Variants in GLIS3 observed in about 807,000 individuals in gnomAD.
GLIS3 encodes the protein GLIS family zinc finger 3.
In GLIS3, 53 loss-of-function variants were observed where a neutral mutation model predicts 78.6. That is an observed-to-expected ratio of 0.67 (90% CI 0.54 to 0.85). The LOEUF (loss-of-function observed/expected upper bound fraction) is 0.85. Among genes scored for constraint, GLIS3 ranks in the 40% least tolerant of loss-of-function variants. The probability of loss-of-function intolerance (pLI) is 0.00; values close to 1 mark genes in which losing one functional copy is unlikely to be tolerated. For missense variants in GLIS3, 1,703 were observed against 1,231.1 expected (o/e 1.38, Z -5.74); for synonymous variants, 684 against 509.9 (o/e 1.34, Z -4.60).
chr9:4,191,063 C>T (rs1382093768), intron 2 of GLIS3, among the ~76,000 whole-genome samples: 2 of 151,770 alleles, frequency 1.3e-5, no homozygotes, highest in East Asian at 3.9e-4. Flanking sequence ...CAACTGGTAC[C>T]AGCCACTGCA....
At chr9:4,016,171 G>A (rs1297527913) in intron 4 of GLIS3, among the ~76,000 whole-genome samples, 2 of 152,148 alleles carry the variant, frequency 1.3e-5, no homozygotes, top group Non-Finnish European at 2.9e-5. Context: ...TAAACTGAGT[G>A]AGTGAATGAC....
intron 1 of GLIS3, among the ~76,000 whole-genome samples, chr9:4,297,561 G>T (rs1348135369): frequency 6.6e-6 from 1 of 152,330 alleles, no homozygotes; most frequent in East Asian, 1.9e-4. Flanking sequence ...GGAGGAAGTT[G>T]GTTCTGCCGG....
intron 2 of GLIS3, among the ~76,000 whole-genome samples, chr9:4,140,579 C>T (rs1031342888): frequency 2.0e-5 from 3 of 152,088 alleles, no homozygotes; most frequent in Admixed American, 2.0e-4. Flanking sequence ...ATGGAAAGTA[C>T]CCAGCTTCCT....
intron 2 of GLIS3, among the ~76,000 whole-genome samples, chr9:4,171,018 A>G (rs1420487629): frequency 6.6e-6 from 1 of 152,232 alleles, no homozygotes; most frequent in Non-Finnish European, 1.5e-5. Flanking sequence ...GAATCATACG[A>G]GAACAATCAA....
the GLIS3 span, among the ~76,000 whole-genome samples, chr9:4,428,343 G>C: frequency 2.0e-5 from 3 of 151,906 alleles, no homozygotes; most frequent in Non-Finnish European, 4.4e-5. Context: ...GCCAGGCTTG[G>C]TGGCATGCAC....
At chr9:4,413,127 T>A in the GLIS3 span, among the ~76,000 whole-genome samples, 7 of 152,218 alleles carry the variant, frequency 4.6e-5, no homozygotes, top group Admixed American at 1.3e-4. Context: ...AGGCAGGTAA[T>A]CATAATGTAA....
At chr9:4,381,195 T>G in the GLIS3 span, among the ~76,000 whole-genome samples, 4 of 152,198 alleles carry the variant, frequency 2.6e-5, no homozygotes, top group African/African-American at 9.6e-5. Context: ...ATGGAAAATT[T>G]GGTGGTGGGG....
At chr9:4,404,621 G>A in the GLIS3 span, among the ~76,000 whole-genome samples, 6 of 152,148 alleles carry the variant, frequency 3.9e-5, no homozygotes, top group African/African-American at 1.2e-4. Context: ...TGAATGACCT[G>A]TGAGTCAGTG....
At chr9:3,960,870 G>A (rs1003626884) in intron 4 of GLIS3, among the ~76,000 whole-genome samples, 6 of 152,064 alleles carry the variant, frequency 3.9e-5, no homozygotes, top group South Asian at 2.1e-4. Flanking sequence ...CTGATGTTTC[G>A]CCAAACCAAA....
At chr9:4,054,243 T>C (rs151119648) in intron 4 of GLIS3, 1 of 707,808 alleles carries the variant, frequency 1.4e-6, no homozygotes, top group East Asian at 1.3e-4. Context: ...AGGGCAGAGA[T>C]CTCATCCTTC....
At chr9:3,943,511 C>T (rs1482094491) in intron 4 of GLIS3, among the ~76,000 whole-genome samples, 1 of 152,156 alleles carries the variant, frequency 6.6e-6, no homozygotes, top group African/African-American at 2.4e-5. Flanking sequence ...GATTTTATAA[C>T]ATTTCAAAGG....
At chr9:4,004,514 T>A (rs1454767986) in intron 4 of GLIS3, among the ~76,000 whole-genome samples, 1 of 152,214 alleles carries the variant, frequency 6.6e-6, no homozygotes, top group Non-Finnish European at 1.5e-5. Flanking sequence ...GATACTGTTG[T>A]GTGAAATCAC....
chr9:4,350,176 T>A (rs927658838), upstream of GLIS3, among the ~76,000 whole-genome samples: 8 of 152,138 alleles, frequency 5.3e-5, no homozygotes, highest in African/African-American at 1.9e-4. Context: ...CAAGGCCCAG[T>A]GGCGATGGGA....
intron 4 of GLIS3, among the ~76,000 whole-genome samples, chr9:3,978,714 TTTGA>T (rs1337382677): frequency 1.3e-5 from 2 of 152,072 alleles, no homozygotes; most frequent in South Asian, 2.1e-4. Flanking sequence ...CACTATATAA[TTTGA>T]TTATTATATT....
intron 4 of GLIS3, among the ~76,000 whole-genome samples, chr9:3,985,037 C>T (rs1041158790): frequency 6.6e-6 from 1 of 151,682 alleles, no homozygotes; most frequent in Non-Finnish European, 1.5e-5. Context: ...GTAAATTGCC[C>T]AGTCTCAGGT....
intron 2 of GLIS3, among the ~76,000 whole-genome samples, chr9:4,210,711 C>G (rs1820299851): frequency 6.6e-6 from 1 of 152,220 alleles, no homozygotes. Context: ...CCTGCTCGTC[C>G]AAGGAAGCAG....
At chr9:4,290,076 A>G (rs979824200) in intron 1 of GLIS3, among the ~76,000 whole-genome samples, 8 of 152,280 alleles carry the variant, frequency 5.3e-5, no homozygotes, top group African/African-American at 1.7e-4. Context: ...CCATTCCAGA[A>G]AATTTCAAGA....
At chr9:4,322,785 A>T (rs1817553525) in intron 2 of GLIS3, among the ~76,000 whole-genome samples, 1 of 152,034 alleles carries the variant, frequency 6.6e-6, no homozygotes, top group African/African-American at 2.4e-5. Context: ...AAATTTGTTT[A>T]AGTTCTTTGT....
the GLIS3 span, among the ~76,000 whole-genome samples, chr9:4,438,637 T>G: frequency 1.3e-5 from 2 of 152,326 alleles, no homozygotes; most frequent in African/African-American, 2.4e-5. Flanking sequence ...AATCCCCACT[T>G]GTCAAGGGCA....
Sources: allele counts gnomAD v4.1 joint callset (sites outside exome capture counted in the v4.1 genomes callset), GRCh38; gene constraint gnomAD v4.1.1; transcripts MANE v1.5; gene names NCBI Gene and HGNC (gene_info 2026-07-23, HGNC 2026-07-21).